ZNF19: variants seen among roughly 807,000 people sequenced by gnomAD.
ZNF19 encodes zinc finger protein 19.
Under a neutral mutation model 13.1 loss-of-function variants are expected in ZNF19, and 11 were observed. The ratio of observed to expected loss-of-function variants is 0.84; its 90% confidence interval spans 0.53 to 1.39. The LOEUF (loss-of-function observed/expected upper bound fraction) is 1.39. Among genes scored for constraint, ZNF19 ranks in the 40% most tolerant of loss-of-function variants. The pLI is 0.00. For missense variants in ZNF19, 560 were observed against 547.0 expected (o/e 1.02, Z -0.24); for synonymous variants, 186 against 187.0 (o/e 0.99, Z 0.04).
intron 1 of ZNF19, among the ~76,000 whole-genome samples, chr16:71,486,881 G>A (rs932728406): frequency 3.3e-5 from 5 of 152,092 alleles, no homozygotes; most frequent in South Asian, 2.1e-4. Flanking sequence ...ATGGGAACCC[G>A]TATGTTTACT....
chr16:71,481,271 A>T (rs536525863), intron 3 of ZNF19, among the ~76,000 whole-genome samples: 2 of 152,206 alleles, frequency 1.3e-5, no homozygotes, highest in Admixed American at 1.3e-4. Flanking sequence ...AAACTGAAGG[A>T]TGTGAGAAAT....
At chr16:71,488,760 T>A (rs2043699486) in intron 1 of ZNF19, among the ~76,000 whole-genome samples, 1 of 151,360 alleles carries the variant, frequency 6.6e-6, no homozygotes. Context: ...GATGGTGCCA[T>A]TGCACTCCAG....
At chr16:71,488,076 T>C (rs767095165) in intron 1 of ZNF19, among the ~76,000 whole-genome samples, 1 of 152,048 alleles carries the variant, frequency 6.6e-6, no homozygotes, top group African/African-American at 2.4e-5. Context: ...AAAAGGCACA[T>C]AGGTCAGACA....
Position 71,475,632 on chromosome 16 carries a change from C to T in ZNF19, c.915G>A (p.Glu305=). 6.2e-7 allele frequency: 1 copy of T among 1,614,168 alleles called. No individual in the cohort carries two copies. The highest frequency in any genetic ancestry group is 1.1e-5 in the South Asian group (1 of 91,072). ...AAGTCCTTCCAAAGCTTTTGCCACA[C>T]TCATTACACTCATAGGGTTTCTCTC... The part of the protein sequence containing the change: ...HTGEKPYECN[E]CGKSFGRTSH... The change falls in exon 6 of 6, where the codon GAG becomes GAA. Residue 305 remains glutamate, a synonymous_variant. Transcript: ENST00000288177.
intron 1 of ZNF19, among the ~76,000 whole-genome samples, chr16:71,486,413 A>C (rs1383549455): frequency 1.3e-5 from 2 of 152,188 alleles, no homozygotes; most frequent in Non-Finnish European, 2.9e-5. Context: ...TGTAATCATA[A>C]GAGTTCTTGA....
At chr16:71,485,319 G>A (rs989311988) in intron 1 of ZNF19, among the ~76,000 whole-genome samples, 2 of 151,816 alleles carry the variant, frequency 1.3e-5, no homozygotes, top group Non-Finnish European at 2.9e-5. Flanking sequence ...GCGTAATGGC[G>A]GGCACCTGTA....
intron 1 of ZNF19, among the ~76,000 whole-genome samples, chr16:71,488,493 C>T (rs2043696566): frequency 6.6e-6 from 1 of 151,776 alleles, no homozygotes; most frequent in African/African-American, 2.4e-5. Flanking sequence ...ACAAAACAAG[C>T]TCCTAAAATT....
At chr16:71,483,785 C>G (rs1267734711) in intron 2 of ZNF19, among the ~76,000 whole-genome samples, 3 of 152,148 alleles carry the variant, frequency 2.0e-5, no homozygotes. Flanking sequence ...TGACACACAA[C>G]AGATGAAGTA....
chr16:71,475,245 G>A lies in ZNF19; in HGVS notation c.1302C>T (p.Val434=). The A allele has an allele frequency of 6.2e-7, 1 of 1,614,178 alleles. No individual in the cohort carries two copies. The highest frequency in any genetic ancestry group is 1.1e-5 in the South Asian group (1 of 91,076). The change falls in exon 6 of 6, where the codon GTC becomes GTT. Residue 434 remains valine, a synonymous_variant. Transcript: ENST00000288177. ...TSSQLGHLEH[V]YSGEKPVLDI... Reference sequence around the variant, plus strand: ...CCAGCACAGGCTTCTCTCCAGAGTAGACATGCTCAAGGTGACCTAGCTGGG... The same window carrying A: ...CCAGCACAGGCTTCTCTCCAGAGTAAACATGCTCAAGGTGACCTAGCTGGG...
chr16:71,478,220 T>C lies in ZNF19; in HGVS notation c.274+8A>G, dbSNP rs1299536728. On this transcript the variant is annotated splice_region_variant and intron_variant, in intron 5 of 5. Transcript: ENST00000288177. Reference sequence around the variant, plus strand: ...TACAATTGTTGGTTCTAAATCTGCCTCACCTACCTTTACAGACGTTTTTGG... The same window carrying C: ...TACAATTGTTGGTTCTAAATCTGCCCCACCTACCTTTACAGACGTTTTTGG... 4.4e-6 allele frequency: 7 copies of C among 1,605,300 alleles called. No individual in the cohort carries two copies. The African/African-American group carries it at 9.4e-5, about 21-fold the overall frequency.
At chr16:71,481,297 G>C (rs912501977) in intron 3 of ZNF19, among the ~76,000 whole-genome samples, 2 of 152,104 alleles carry the variant, frequency 1.3e-5, no homozygotes, top group Non-Finnish European at 2.9e-5. Flanking sequence ...ATTATGATTT[G>C]GGATATGGTT....
chr16:71,482,213 T>C, intron 2 of ZNF19, 70 bp from the exon 3 acceptor site: 1 of 1,483,124 alleles, frequency 6.7e-7, no homozygotes, highest in Non-Finnish European at 9.3e-7. Context: ...GAGCAATAAA[T>C]TTGCCAATAG....
At chr16:71,485,038 C>G (rs1422860960) in intron 1 of ZNF19, among the ~76,000 whole-genome samples, 1 of 152,146 alleles carries the variant, frequency 6.6e-6, no homozygotes, top group Non-Finnish European at 1.5e-5. Context: ...ATCACAAATT[C>G]TAAAAAACTG....
Position 71,484,747 on chromosome 16 carries a change from A to G in ZNF19, c.-188T>C. On this transcript the variant is annotated splice_region_variant and 5_prime_UTR_variant, in exon 2 of 6. Coordinates refer to ENST00000288177, the MANE Select transcript of ZNF19 (RefSeq NM_006961.4). Reference sequence around the variant, plus strand: ...AGTTTCCACCCGGGGATCCTCAGAGACCTTGAATAGGAAAGAAAGTATATC... The same window carrying G: ...AGTTTCCACCCGGGGATCCTCAGAGGCCTTGAATAGGAAAGAAAGTATATC... 1.0e-6 allele frequency: 1 copy of G among 985,194 alleles called. No homozygotes were observed. The highest frequency in any genetic ancestry group is 1.2e-6 in the Non-Finnish European group (1 of 829,780). 61.0% of individuals were successfully genotyped at this position (985,194 alleles called of 1,614,324 possible).
At chr16:71,481,653 G>C (rs1452860813) in intron 3 of ZNF19, among the ~76,000 whole-genome samples, 1 of 152,096 alleles carries the variant, frequency 6.6e-6, no homozygotes, top group African/African-American at 2.4e-5. Flanking sequence ...CTTTCTTTTG[G>C]AGGACAAATT....
chr16:71,478,773 A>C, intron 4 of ZNF19, 106 bp downstream of exon 4: 4 of 1,459,424 alleles, frequency 2.7e-6, no homozygotes, highest in Non-Finnish European at 3.7e-6. Flanking sequence ...GGAGGACACA[A>C]GAGACAACCT....
Position 71,478,949 on chromosome 16 carries a change from G to C in ZNF19, c.90C>G (p.Gly30=). ...AVHFTKTEWT[G]LSPAQRALYR... The stretch of plus-strand genomic sequence containing the variant: ...ACAGGGCCCTCTGGGCAGGAGAAAG[G>C]CCAGTCCATTCTGTCTTGGTGAAGT... The change falls in exon 4 of 6, where the codon GGC becomes GGG. Residue 30 remains glycine, a synonymous_variant. Transcript: ENST00000288177. The C allele has an allele frequency of 6.2e-7, 1 of 1,614,212 alleles. No individual in the cohort carries two copies. The highest frequency in any genetic ancestry group is 8.5e-7 in the Non-Finnish European group (1 of 1,180,038).
chr16:71,488,138 T>C (rs1441565884), intron 1 of ZNF19, among the ~76,000 whole-genome samples: 3 of 151,786 alleles, frequency 2.0e-5, no homozygotes, highest in African/African-American at 7.3e-5. Flanking sequence ...GGTGGATGGA[T>C]TGCTTGAGGC....
chr16:71,475,950 A>G lies in ZNF19; in HGVS notation c.597T>C (p.Asn199=), dbSNP rs377052556. ...GGTGCCGAATTAACGAAGAATTACC[A>G]TTAAAGGCTTTTCCACACTCACTAC... The part of the protein sequence containing the change: ...FECSECGKAF[N]GNSSLIRHQR... Residue 199 remains asparagine (N), a synonymous_variant, in exon 6 of 6, where the codon AAT becomes AAC. Coordinates refer to ENST00000288177, the MANE Select transcript of ZNF19 (RefSeq NM_006961.4). 1.1e-5 allele frequency: 17 copies of G among 1,613,714 alleles called. No individual in the cohort carries two copies. In the South Asian group the frequency reaches 1.3e-4, roughly 13 times the overall value.
Sources: allele counts gnomAD v4.1 joint callset (sites outside exome capture counted in the v4.1 genomes callset), GRCh38; gene constraint gnomAD v4.1.1; transcripts MANE v1.5; gene names NCBI Gene and HGNC (gene_info 2026-07-23, HGNC 2026-07-21).